ANK3: variants seen among roughly 807,000 people sequenced by gnomAD.
ANK3 encodes the protein ankyrin-3.
Under a neutral mutation model 370.9 loss-of-function variants are expected in ANK3, and 57 were observed. That is an observed-to-expected ratio of 0.15 (90% CI 0.12 to 0.19). The LOEUF is 0.19. ANK3 is among the 10% of genes least tolerant of loss of function. The pLI, the probability that ANK3 is intolerant of heterozygous loss-of-function variation, is 1.00. For missense variants in ANK3, 4,439 were observed against 5,302.1 expected (o/e 0.84, Z 5.06); for synonymous variants, 1,929 against 1,946.3 (o/e 0.99, Z 0.23).
At chr10:60,198,753 A>T (rs2096625792) in intron 13 of ANK3, among the ~76,000 whole-genome samples, 1 of 152,202 alleles carries the variant, frequency 6.6e-6, no homozygotes, top group Middle Eastern at 3.2e-3. Context: ...ACTCATTAAT[A>T]AGAAAACCAT....
At chr10:60,059,708 A>G in intron 40 of ANK3, 1 of 1,612,192 alleles carries the variant, frequency 6.2e-7, no homozygotes, top group East Asian at 2.2e-5. Flanking sequence ...TCAGACATAC[A>G]TTCTCCAACT....
At chr10:60,076,602 G>A in intron 36 of ANK3, 154 bp from the exon 37 acceptor site, 1 of 1,017,296 alleles carries the variant, frequency 9.8e-7, no homozygotes, top group Non-Finnish European at 1.3e-6. Flanking sequence ...AGAGGCAAAA[G>A]GAACAATTAA....
At chr10:60,609,231 G>C (rs768330439) in intron 2 of ANK3, among the ~76,000 whole-genome samples, 26 of 152,122 alleles carry the variant, frequency 1.7e-4, no homozygotes, top group Non-Finnish European at 3.4e-4. Flanking sequence ...TGAGGAATAA[G>C]GTGGTCTAGT....
chr10:60,176,974 T>A (rs897596585), intron 18 of ANK3, among the ~76,000 whole-genome samples: 7 of 151,896 alleles, frequency 4.6e-5, no homozygotes, highest in African/African-American at 1.5e-4. Flanking sequence ...GAAAAAAAAA[T>A]AATCTTCATT....
intron 10 of ANK3, among the ~76,000 whole-genome samples, chr10:60,207,276 G>A (rs553960571): frequency 2.0e-5 from 3 of 152,222 alleles, no homozygotes; most frequent in South Asian, 2.1e-4. Flanking sequence ...CAGGATGACC[G>A]CACTCTTTGG....
rs986202934 is a variant in ANK3 at position 60,292,710 on chromosome 10, TTTC to T, written c.115-13074_115-13072del. On this transcript the variant is annotated intron_variant, in intron 1 of 43. Transcript: ENST00000280772. ...AAAGCCACTGGGGTCCTAGACTTTC[TTTC>T]TTTTTTTTTTTTTTTGACGGAGTCT... Among the ~76,000 whole-genome samples the T allele has an allele frequency of 9.7e-5, 9 of 93,226 alleles. No individual in the cohort carries two copies. In the South Asian group the frequency reaches 3.1e-3, roughly 32 times the overall value. The allele number at this position is 93,226 out of a possible 152,430, so 61.2% of individuals were successfully genotyped here.
intron 1 of ANK3, among the ~76,000 whole-genome samples, chr10:60,361,048 T>C (rs1037916430): frequency 6.6e-6 from 1 of 152,186 alleles, no homozygotes; most frequent in Non-Finnish European, 1.5e-5. Context: ...AAATCTTTAC[T>C]AGTCTGAAAA....
intron 2 of ANK3, among the ~76,000 whole-genome samples, chr10:60,415,334 A>T (rs867249384): frequency 2.0e-5 from 3 of 152,158 alleles, no homozygotes; most frequent in Admixed American, 6.5e-5. Flanking sequence ...ACTCCTAAAA[A>T]CTACAATCAT....
intron 7 of ANK3, among the ~76,000 whole-genome samples, chr10:60,248,393 T>C (rs542522555): frequency 6.6e-6 from 1 of 152,306 alleles, no homozygotes; most frequent in Non-Finnish European, 1.5e-5. Context: ...ATATATGCTT[T>C]TTAAATATAT....
At chr10:60,575,797 G>A (rs1426168782) in intron 2 of ANK3, among the ~76,000 whole-genome samples, 5 of 152,002 alleles carry the variant, frequency 3.3e-5, no homozygotes, top group African/African-American at 1.2e-4. Flanking sequence ...TCATTTAAGG[G>A]TTGAAAAATT....
At chr10:60,140,788 G>A (rs1439331650) in intron 23 of ANK3, 37 of 1,017,578 alleles carry the variant, frequency 3.6e-5, no homozygotes, top group Non-Finnish European at 4.1e-5. Flanking sequence ...CTCCGGTGTA[G>A]ACTTTCGGTA....
chr10:60,517,458 C>T (rs1016283533), intron 2 of ANK3, among the ~76,000 whole-genome samples: 1 of 152,106 alleles, frequency 6.6e-6, no homozygotes, highest in Non-Finnish European at 1.5e-5. Context: ...TGCTCCATCT[C>T]ATCTGAAACG....
intron 4 of ANK3, among the ~76,000 whole-genome samples, chr10:60,275,369 C>T (rs2098073707): frequency 6.6e-6 from 1 of 152,236 alleles, no homozygotes; most frequent in Middle Eastern, 3.4e-3. Flanking sequence ...GTCTAATACA[C>T]ATCAAAATGA....
chr10:60,731,819 C>A lies in ANK3; in HGVS notation c.57+1444G>T, dbSNP rs190026990. Among the ~76,000 whole-genome samples the A allele has an allele frequency of 1.3e-4, 20 of 152,278 alleles. 1 individual carries two copies. In the East Asian group the frequency reaches 3.1e-3, roughly 24 times the overall value. ...CCTCCTGGAATGAAGTCCCATGTAA[C>A]CCCAGGATGACTCTTCTATGCTTTT... On this transcript the variant is annotated intron_variant, in intron 1 of 43. Transcript: ENST00000373827.
chr10:60,492,157 G>C (rs1044135697), intron 2 of ANK3, among the ~76,000 whole-genome samples: 1 of 152,118 alleles, frequency 6.6e-6, no homozygotes, highest in Admixed American at 6.5e-5. Flanking sequence ...TGTGCAGTAG[G>C]CTATACCATC....
chr10:60,216,057 C>A (rs1261483316), intron 8 of ANK3, among the ~76,000 whole-genome samples: 1 of 152,062 alleles, frequency 6.6e-6, no homozygotes, highest in African/African-American at 2.4e-5. Context: ...TTGCAGAGGT[C>A]CTTCACATCC....
intron 1 of ANK3, among the ~76,000 whole-genome samples, chr10:60,295,203 A>T (rs2042244827): frequency 6.6e-6 from 1 of 152,186 alleles, no homozygotes; most frequent in Non-Finnish European, 1.5e-5. Flanking sequence ...TAGTTTAGTG[A>T]TTTCAGAGTT....
At position 60,027,529 on chromosome 10, in the gene ANK3, T is replaced by C. The variant is rs1030171903; in HGVS notation, c.*2317A>G. ...CAATCTTTAATGGACAGGCAATATATAACATTGCTGAAAGTCTCTTAGCAC... is the reference window on the plus strand; with the variant it reads ...CAATCTTTAATGGACAGGCAATATACAACATTGCTGAAAGTCTCTTAGCAC... On this transcript the variant is annotated 3_prime_UTR_variant, in exon 44 of 44. Coordinates refer to ENST00000280772, the MANE Select transcript of ANK3 (RefSeq NM_020987.5). The C allele has an allele frequency of 6.6e-6, 1 of 152,176 alleles. No homozygotes were observed. The highest frequency in any genetic ancestry group is 1.5e-5 in the Non-Finnish European group (1 of 68,030). The allele number at this position is 152,176 out of a possible 1,614,324, so 9.4% of individuals were successfully genotyped here. A position where few individuals can be genotyped will look rare whatever the true frequency, so the allele number is the denominator to read the frequency against.
chr10:60,574,148 A>T (rs2077652982), intron 2 of ANK3, among the ~76,000 whole-genome samples: 1 of 152,120 alleles, frequency 6.6e-6, no homozygotes, highest in Admixed American at 6.5e-5. Flanking sequence ...TTTACCTAGC[A>T]TATAAAGGGG....
Sources: gnomAD v4.1 joint callset for allele counts (sites outside exome capture counted in the v4.1 genomes callset) on GRCh38, gnomAD v4.1.1 for gene constraint, MANE v1.5 for transcripts, NCBI Gene and HGNC (gene_info 2026-07-23, HGNC 2026-07-21) for gene names.